MTG1: variants seen among roughly 807,000 people sequenced by gnomAD.
The protein encoded by MTG1 is mitochondrial ribosome-associated GTPase 1.
A neutral mutation model predicts 39.5 loss-of-function variants in MTG1; 30 were observed. The observed-to-expected ratio is 0.76, with a 90% confidence interval of 0.57 to 1.03. The LOEUF is 1.03. MTG1 is among the 50% of genes least tolerant of loss of function. The probability of loss-of-function intolerance (pLI) is 0.00; values close to 1 mark genes in which losing one functional copy is unlikely to be tolerated. For missense variants in MTG1, 513 were observed against 447.4 expected (o/e 1.15, Z -1.32); for synonymous variants, 217 against 179.0 (o/e 1.21, Z -1.69).
intron 1 of MTG1, among the ~76,000 whole-genome samples, chr10:133,395,274 A>G (rs1849765139): frequency 6.6e-6 from 1 of 152,170 alleles, no homozygotes; most frequent in Non-Finnish European, 1.5e-5. Flanking sequence ...GCGTCCCTGT[A>G]GTCCCAGCTA....
Position 133,402,714 on chromosome 10 carries a change from C to A in MTG1, c.693C>A (p.Val231=). 1 of 1,607,674 alleles carries A rather than the reference C, an allele frequency of 6.2e-7. No homozygotes were observed. Among genetic ancestry groups the A allele is most frequent in the Non-Finnish European group, 8.5e-7 (1 of 1,177,432 alleles). Residue 231 remains valine (V), a synonymous_variant, in exon 9 of 11, where the codon GTC becomes GTA. Coordinates refer to ENST00000317502, the MANE Select transcript of MTG1 (RefSeq NM_138384.4). This position sits in a 1 kb window ranked among gnomAD's most constrained non-coding sequence, Gnocchi z 4.7. ...ALCGTVLDHL[V]GEETMADYLL... ...CAGGAACGGTGCTGGACCACCTGGT[C>A]GGGGAGGAGACCATGGCTGACTACC...
intron 10 of MTG1, 74 bp downstream of exon 10, chr10:133,419,666 A>C: frequency 1.6e-6 from 2 of 1,233,322 alleles, no homozygotes; most frequent in Non-Finnish European, 2.3e-6. Context: ...TCCCTGGAGG[A>C]GGCAGGGAGG....
At chr10:133,400,915 C>G (rs1172347167) in intron 6 of MTG1, among the ~76,000 whole-genome samples, 1 of 152,228 alleles carries the variant, frequency 6.6e-6, no homozygotes, top group Non-Finnish European at 1.5e-5. Context: ...TCCTGAGTGT[C>G]AGAATTTTAT....
At chr10:133,395,558 C>T (rs1046225908) in intron 1 of MTG1, among the ~76,000 whole-genome samples, 155 bp from the exon 2 acceptor site, 10 of 152,204 alleles carry the variant, frequency 6.6e-5, no homozygotes, top group Non-Finnish European at 8.8e-5. Flanking sequence ...AGGCGCTCAG[C>T]GGATGTTATC....
chr10:133,395,575 C>T, intron 1 of MTG1, 138 bp from the exon 2 acceptor site: 1 of 794,666 alleles, frequency 1.3e-6, no homozygotes, highest in Non-Finnish European at 2.1e-6. Flanking sequence ...TATCTGTTAC[C>T]ATTACTTAGT....
rs188106476 is a variant in MTG1, at chr10:133,400,242, C to T, written c.511+623C>T. Among the ~76,000 whole-genome samples, 86 of 152,232 alleles carry T rather than the reference C, an allele frequency of 5.6e-4. 1 individual carries two copies. The highest frequency in any genetic ancestry group is 3.4e-3 in the Middle Eastern group (1 of 292). Reference sequence around the variant, plus strand: ...AAAAATCCCTTTGATCCAGAGAATACAAAGCGTGTGAAGTAGACGGGGCTG... The same window carrying T: ...AAAAATCCCTTTGATCCAGAGAATATAAAGCGTGTGAAGTAGACGGGGCTG... On this transcript the variant is annotated intron_variant, in intron 6 of 10. Coordinates refer to ENST00000317502, the MANE Select transcript of MTG1 (RefSeq NM_138384.4).
chr10:133,405,769 C>G (rs1849960569), intron 9 of MTG1, among the ~76,000 whole-genome samples: 1 of 152,162 alleles, frequency 6.6e-6, no homozygotes, highest in African/African-American at 2.4e-5. Flanking sequence ...CATATCTTGG[C>G]TATTGTGAGT....
rs370891478 is a variant in MTG1 at position 133,399,135 on chromosome 10, C to G, written c.364-35C>G. On this transcript the variant is annotated intron_variant, in intron 4 of 10. Transcript: ENST00000317502. ...AGCGGGTCAGTGCACAGACGTCCGA[C>G]CTGGGGTGGCTCCATGAGTGGGTGT... 1.2e-5 allele frequency: 20 copies of G among 1,613,778 alleles called. No homozygotes were observed. The East Asian group carries it at 1.6e-4, about 13-fold the overall frequency.
At chr10:133,397,055 G>A (rs75836482) in intron 3 of MTG1, among the ~76,000 whole-genome samples, 14 of 152,326 alleles carry the variant, frequency 9.2e-5, no homozygotes, top group Non-Finnish European at 1.6e-4. Context: ...AGGCCTGCCC[G>A]CAGTTATCCG....
intron 9 of MTG1, among the ~76,000 whole-genome samples, chr10:133,414,902 G>T (rs1253648324): frequency 2.0e-5 from 3 of 152,256 alleles, no homozygotes; most frequent in Admixed American, 6.5e-5. Flanking sequence ...ACGAGACTCC[G>T]TCTGCAATCC....
chr10:133,419,401 C>T (rs1850190419), intron 9 of MTG1, 79 bp from the exon 10 acceptor site: 2 of 1,258,304 alleles, frequency 1.6e-6, no homozygotes, highest in East Asian at 5.1e-5. Flanking sequence ...TTGTGGCATT[C>T]AGGAGGAAGG....
intron 9 of MTG1, among the ~76,000 whole-genome samples, chr10:133,406,665 C>CTTT (rs34249527): frequency 2.3e-4 from 28 of 122,956 alleles, no homozygotes; most frequent in South Asian, 2.7e-4. Context: ...AGATTTAAGT[C>CTTT]TTTTTTTTTT....
intron 9 of MTG1, among the ~76,000 whole-genome samples, chr10:133,405,485 C>T (rs555384186): frequency 1.2e-4 from 19 of 152,314 alleles, no homozygotes; most frequent in African/African-American, 4.6e-4. Context: ...CATTAATCAA[C>T]CTCTGTCCAT....
chr10:133,396,096 T>C, intron 2 of MTG1, 67 bp from the exon 3 acceptor site: 4 of 1,441,300 alleles, frequency 2.8e-6, no homozygotes, highest in Non-Finnish European at 3.9e-6. Flanking sequence ...ATTCGTTCAC[T>C]GATGGCAAGA....
chr10:133,415,983 C>CGGGCAGGCGGGTGTCG (rs541432761), intron 9 of MTG1, among the ~76,000 whole-genome samples: 9,971 of 102,506 alleles, frequency 0.097, 524 homozygotes, highest in Middle Eastern at 0.16. Context: ...AGGCGGGTGT[C>CGGGCAGGCGGGTGTCG]GGCACGCGGG....
chr10:133,408,196 G>A lies in MTG1; in HGVS notation c.752+5423G>A, dbSNP rs1849995580. On this transcript the variant is annotated intron_variant, in intron 9 of 10. Transcript: ENST00000317502. Reference sequence around the variant, plus strand: ...CTTGTTCAATATACTGTTGGCTGTGGGCTTGTCATGCGTGGCCTTTATTGT... The same window carrying A: ...CTTGTTCAATATACTGTTGGCTGTGAGCTTGTCATGCGTGGCCTTTATTGT... Among the ~76,000 whole-genome samples, 3 of 152,112 alleles carry A rather than the reference G, an allele frequency of 2.0e-5. No individual in the cohort carries two copies. The South Asian group carries it at 6.2e-4, about 32-fold the overall frequency.
chr10:133,395,958 G>C (rs1203766556), intron 2 of MTG1, among the ~76,000 whole-genome samples, 181 bp downstream of exon 2: 1 of 152,190 alleles, frequency 6.6e-6, no homozygotes, highest in Non-Finnish European at 1.5e-5. Flanking sequence ...ACATATATCT[G>C]CGTCACTCAA....
intron 9 of MTG1, 124 bp from the exon 10 acceptor site, chr10:133,419,356 C>T: frequency 2.8e-6 from 2 of 702,004 alleles, no homozygotes; most frequent in South Asian, 1.8e-5. Flanking sequence ...GCGCCGCAGT[C>T]ACTGTCACCC....
In MTG1 at chr10:133,421,151, C is replaced by G. The variant is rs906816888; in HGVS notation, c.*986C>G. The G allele has an allele frequency of 1.3e-5, 2 of 152,516 alleles. No homozygotes were observed. The highest frequency in any genetic ancestry group is 4.8e-5 in the African/African-American group (2 of 41,442). 9.4% of individuals were successfully genotyped at this position (152,516 alleles called of 1,614,324 possible). The stretch of plus-strand genomic sequence containing the variant: ...AGGGCCCTGGTGCTCAGTGGCCCCT[C>G]TTTGCTGGCTGGCTGCCTCTGCTGC... On this transcript the variant is annotated 3_prime_UTR_variant, in exon 11 of 11. Transcript: ENST00000317502.
Sources: allele counts gnomAD v4.1 joint callset (sites outside exome capture counted in the v4.1 genomes callset), GRCh38; gene constraint gnomAD v4.1.1; non-coding constraint Gnocchi (gnomAD v3.1); transcripts MANE v1.5; gene names NCBI Gene and HGNC (gene_info 2026-07-23, HGNC 2026-07-21).